CCSER1: variants seen among roughly 807,000 people sequenced by gnomAD.
CCSER1 encodes the protein coiled-coil serine rich protein 1.
A neutral mutation model predicts 82.0 loss-of-function variants in CCSER1; 41 were observed. The observed-to-expected ratio is 0.50, with a 90% confidence interval of 0.39 to 0.65. The LOEUF (loss-of-function observed/expected upper bound fraction) is 0.65, where lower values mean the gene tolerates loss of function less well. Ranked by LOEUF, CCSER1 falls within the 30% of genes least tolerant of loss-of-function variation. The pLI is 0.00. For synonymous variants in CCSER1, 414 were observed against 383.9 expected, an observed-to-expected ratio of 1.08 and a Z score of -0.92; for missense variants, 1,119 against 1,064.2, an observed-to-expected ratio of 1.05 and a Z score of -0.72.
intron 9 of CCSER1, among the ~76,000 whole-genome samples, chr4:90,932,208 T>A (rs1446819667): frequency 6.6e-6 from 1 of 152,180 alleles, no homozygotes; most frequent in East Asian, 1.9e-4. Context: ...AGAAAATTTA[T>A]ACCAAAAAGA....
chr4:90,736,632 A>G (rs1745690013), intron 7 of CCSER1, among the ~76,000 whole-genome samples: 1 of 130,832 alleles, frequency 7.6e-6, no homozygotes, highest in African/African-American at 3.5e-5. Context: ...ACAGATTATT[A>G]GGTCATTTTT....
intron 7 of CCSER1, among the ~76,000 whole-genome samples, chr4:90,806,816 T>A (rs1187644542): frequency 3.9e-5 from 6 of 152,094 alleles, no homozygotes; most frequent in Non-Finnish European, 5.9e-5. Flanking sequence ...AGAGAATTTG[T>A]TAGTAGGAAT....
intron 1 of CCSER1, among the ~76,000 whole-genome samples, chr4:90,181,062 A>T (rs957363429): frequency 6.6e-6 from 1 of 152,134 alleles, no homozygotes; most frequent in Non-Finnish European, 1.5e-5. Context: ...TACATTCAAA[A>T]CATTTAGAAA....
At chr4:91,463,447 C>G (rs1756638027) in intron 10 of CCSER1, among the ~76,000 whole-genome samples, 1 of 152,196 alleles carries the variant, frequency 6.6e-6, no homozygotes, top group East Asian at 1.9e-4. Flanking sequence ...AAAATCAGAG[C>G]ACCTCTCCTC....
At chr4:90,881,600 C>T (rs1350001369) in intron 8 of CCSER1, among the ~76,000 whole-genome samples, 1 of 151,766 alleles carries the variant, frequency 6.6e-6, no homozygotes, top group East Asian at 2.0e-4. Context: ...GGTGAAACCC[C>T]ATCTCTACCA....
intron 10 of CCSER1, among the ~76,000 whole-genome samples, chr4:91,481,193 T>C (rs1757890973): frequency 6.6e-6 from 1 of 151,788 alleles, no homozygotes; most frequent in African/African-American, 2.4e-5. Flanking sequence ...GCTGTATTAG[T>C]TTGCCAGGGC....
chr4:91,117,600 C>T (rs758025871), intron 10 of CCSER1, among the ~76,000 whole-genome samples: 12 of 152,086 alleles, frequency 7.9e-5, no homozygotes, highest in East Asian at 1.9e-4. Flanking sequence ...TGATTTACTG[C>T]GTGTTTCAAA....
chr4:91,537,946 TG>T (rs1219362356), intron 10 of CCSER1, among the ~76,000 whole-genome samples: 5 of 152,028 alleles, frequency 3.3e-5, no homozygotes. Flanking sequence ...TTTTACTTTT[TG>T]AATGCAAGAA....
chr4:90,724,956 A>G (rs1580163201), intron 7 of CCSER1: 1 of 411,174 alleles, frequency 2.4e-6, no homozygotes, highest in East Asian at 7.1e-5. Context: ...CTATGAATTC[A>G]AATGAGAGTA....
intron 9 of CCSER1, among the ~76,000 whole-genome samples, chr4:90,967,641 G>A (rs1327893055): frequency 6.6e-6 from 1 of 152,004 alleles, no homozygotes; most frequent in Non-Finnish European, 1.5e-5. Flanking sequence ...AATGGTTAGT[G>A]ATGGTTTCTT....
intron 1 of CCSER1, among the ~76,000 whole-genome samples, chr4:90,261,708 C>T (rs1724360649): frequency 6.6e-6 from 1 of 152,080 alleles, no homozygotes; most frequent in African/African-American, 2.4e-5. Flanking sequence ...AACTTTTAGT[C>T]TTCTCTTCTT....
chr4:91,080,127 C>A (rs998905475), intron 9 of CCSER1, among the ~76,000 whole-genome samples: 2 of 152,184 alleles, frequency 1.3e-5, no homozygotes, highest in Non-Finnish European at 2.9e-5. Context: ...CTTCTAAGCA[C>A]CACATCACAC....
intron 10 of CCSER1, among the ~76,000 whole-genome samples, chr4:91,103,341 C>G (rs891976909): frequency 2.0e-5 from 3 of 152,080 alleles, no homozygotes; most frequent in Non-Finnish European, 4.4e-5. Flanking sequence ...CCAAAGGGGC[C>G]CCTCAGTTCC....
chr4:90,897,254 A>C (rs557255797), intron 8 of CCSER1, among the ~76,000 whole-genome samples: 8 of 151,916 alleles, frequency 5.3e-5, no homozygotes, highest in African/African-American at 1.9e-4. Context: ...AGAGTATCCA[A>C]TAGGTGGTTT....
chr4:90,682,732 T>C (rs775439852), intron 6 of CCSER1, among the ~76,000 whole-genome samples: 33 of 152,076 alleles, frequency 2.2e-4, no homozygotes, highest in Admixed American at 6.6e-4. Flanking sequence ...GTGGCTCTTT[T>C]GTCCTTGAAC....
At chr4:91,169,062 G>T (rs1177344832) in intron 10 of CCSER1, among the ~76,000 whole-genome samples, 1 of 151,914 alleles carries the variant, frequency 6.6e-6, no homozygotes, top group Admixed American at 6.6e-5. Context: ...AAACACTGTG[G>T]AAGGCCACAG....
At chr4:91,422,692 TAAA>T (rs775025998) in intron 10 of CCSER1, among the ~76,000 whole-genome samples, 16 of 152,002 alleles carry the variant, frequency 1.1e-4, no homozygotes, top group Non-Finnish European at 1.8e-4. Context: ...TAATTTTGTA[TAAA>T]AAAGAAAAAA....
At chr4:90,315,096 C>T (rs1425685417) in intron 3 of CCSER1, among the ~76,000 whole-genome samples, 2 of 151,966 alleles carry the variant, frequency 1.3e-5, no homozygotes, top group Non-Finnish European at 2.9e-5. Flanking sequence ...GTGATCCACC[C>T]GCCTCAGCCT....
At chr4:90,162,627 C>G (rs1370022604) in intron 1 of CCSER1, among the ~76,000 whole-genome samples, 1 of 151,956 alleles carries the variant, frequency 6.6e-6, no homozygotes, top group African/African-American at 2.4e-5. Context: ...AAAACCCTAA[C>G]AGTGGTGGAA....
Sources: gnomAD v4.1 joint callset for allele counts (sites outside exome capture counted in the v4.1 genomes callset) on GRCh38, gnomAD v4.1.1 for gene constraint, MANE v1.5 for transcripts, NCBI Gene and HGNC (gene_info 2026-07-23, HGNC 2026-07-21) for gene names.